AP2S1: variants seen among roughly 807,000 people sequenced by gnomAD.
AP2S1 encodes the protein adaptor related protein complex 2 subunit sigma 1.
Under a neutral mutation model 21.0 loss-of-function variants are expected in AP2S1, and 6 were observed. The observed-to-expected ratio is 0.29, with a 90% confidence interval of 0.16 to 0.56. AP2S1 has a LOEUF of 0.56. Ranked by LOEUF, AP2S1 falls within the 20% of genes least tolerant of loss-of-function variation. The pLI is 0.92. For synonymous variants in AP2S1, 63 were observed against 74.6 expected (o/e 0.84, Z 0.80); for missense variants, 60 against 186.2 (o/e 0.32, Z 3.95).
At chr19:46,849,149 G>T (rs1346234282) in intron 1 of AP2S1, among the ~76,000 whole-genome samples, 2 of 150,870 alleles carry the variant, frequency 1.3e-5, no homozygotes, top group African/African-American at 4.9e-5. Context: ...GGGATTACAG[G>T]CATCCACCAC....
At chr19:46,841,424 G>C (rs1052129087) in intron 2 of AP2S1, among the ~76,000 whole-genome samples, 2 of 152,086 alleles carry the variant, frequency 1.3e-5, no homozygotes, top group Non-Finnish European at 2.9e-5. Flanking sequence ...AAATTTCGAG[G>C]CTTCTCAGGG....
At chr19:46,841,188 A>T (rs1292080043) in intron 2 of AP2S1, among the ~76,000 whole-genome samples, 5 of 152,082 alleles carry the variant, frequency 3.3e-5, no homozygotes, top group Admixed American at 3.3e-4. Context: ...TCCTGACCTC[A>T]GATGATCCAC....
At chr19:46,848,920 T>C (rs1220889673) in intron 1 of AP2S1, among the ~76,000 whole-genome samples, 1 of 149,482 alleles carries the variant, frequency 6.7e-6, no homozygotes, top group Non-Finnish European at 1.5e-5. Context: ...ACCATGTTGG[T>C]CAGGCTGGTC....
chr19:46,845,438 TAATTC>T (rs199653702), intron 2 of AP2S1, among the ~76,000 whole-genome samples: 9,258 of 129,742 alleles, frequency 0.071, 417 homozygotes, highest in African/African-American at 0.14. Flanking sequence ...ATTAATTAAT[TAATTC>T]AATTCAATCA....
intron 2 of AP2S1, among the ~76,000 whole-genome samples, chr19:46,843,934 G>A (rs2055572712): frequency 1.3e-5 from 2 of 151,310 alleles, no homozygotes; most frequent in South Asian, 4.2e-4. Flanking sequence ...TTTTTTGAGA[G>A]GAGTCTTGTT....
chr19:46,847,075 C>CTCAG (rs1323957378), intron 1 of AP2S1, among the ~76,000 whole-genome samples: 1 of 152,190 alleles, frequency 6.6e-6, no homozygotes, highest in Non-Finnish European at 1.5e-5. Flanking sequence ...TGGGCTAAGT[C>CTCAG]TCAGCTCTGC....
chr19:46,844,671 AAGCCTGT>A (rs2055588807), intron 2 of AP2S1, among the ~76,000 whole-genome samples: 1 of 152,060 alleles, frequency 6.6e-6, no homozygotes, highest in Admixed American at 6.6e-5. Flanking sequence ...GGTAGTGCAC[AAGCCTGT>A]AGTCCCAGCT....
Position 46,838,601 on chromosome 19 carries a change from G to A in AP2S1, c.328-53C>T, listed in dbSNP as rs1328295099. The A allele has an allele frequency of 3.4e-5, 54 of 1,600,402 alleles. No individual in the cohort carries two copies. Among genetic ancestry groups the A allele is most frequent in the Middle Eastern group, 3.3e-4 (2 of 6,054 alleles). ...ACGAGGCCCCCCAGGATGCTGGCCC[G>A]GACCCTGGAAGCTGGGGCTCTGATG... On this transcript the variant is annotated intron_variant, in intron 4 of 4. Transcript: ENST00000263270. The surrounding 1 kb of genome is among the most constrained non-coding windows in gnomAD (Gnocchi z 4.1).
chr19:46,848,834 T>A (rs188466788), intron 1 of AP2S1, among the ~76,000 whole-genome samples: 88 of 152,268 alleles, frequency 5.8e-4, no homozygotes, highest in Non-Finnish European at 1.0e-3. Flanking sequence ...TGCCTCAGCC[T>A]CCTAAGTACC....
chr19:46,840,405 G>A (rs1195428932), intron 2 of AP2S1, among the ~76,000 whole-genome samples: 1 of 150,652 alleles, frequency 6.6e-6, no homozygotes, highest in Non-Finnish European at 1.5e-5. Flanking sequence ...ACTCCAGGAG[G>A]CCGGGCGAGA....
chr19:46,849,774 T>C (rs2055705255), intron 1 of AP2S1, among the ~76,000 whole-genome samples: 2 of 152,020 alleles, frequency 1.3e-5, no homozygotes, highest in Admixed American at 6.6e-5. Context: ...TTCCCCTCCT[T>C]GGGGCCTCAA....
At chr19:46,839,424 G>GCCC in intron 3 of AP2S1, 41 bp downstream of exon 3, 35 of 1,504,486 alleles carry the variant, frequency 2.3e-5, no homozygotes, top group Non-Finnish European at 2.8e-5. Flanking sequence ...CTCCAGGGCT[G>GCCC]CCCACCCGCC....
At chr19:46,849,978 G>A (rs10426118) in intron 1 of AP2S1, among the ~76,000 whole-genome samples, 3,109 of 152,184 alleles carry the variant, frequency 0.02, 112 homozygotes, top group African/African-American at 0.07. Flanking sequence ...CAACCTGGGG[G>A]ATAGGGGCAC....
chr19:46,839,362 C>T, intron 3 of AP2S1, 103 bp downstream of exon 3: 1 of 1,240,170 alleles, frequency 8.1e-7, no homozygotes, highest in Non-Finnish European at 1.2e-6. Flanking sequence ...CCAGTCACTG[C>T]AGAGGGAGGG....
Position 46,838,759 on chromosome 19 carries a change from A to G in AP2S1, c.308T>C (p.Leu103Pro). Residue 103 changes from leucine (L) to proline (P), a missense_variant, in exon 4 of 5, where the codon CTG becomes CCG. By Grantham distance (98) the Leu-to-Pro change is moderately conservative. Transcript: ENST00000263270. The surrounding 1 kb of genome is among the most constrained non-coding windows in gnomAD (Gnocchi z 4.1). ...GCCTACCTTGTAGAAGTTGAACACC[A>G]GGTCCAGTTCACAGACATTGTGGAA... ...EYFHNVCELD[L>P]VFNFYKVYTV... 1 of 1,613,310 alleles carries G rather than the reference A, an allele frequency of 6.2e-7. No individual in the cohort carries two copies. The highest frequency in any genetic ancestry group is 1.3e-5 in the African/African-American group (1 of 75,016).
Position 46,838,862 on chromosome 19 carries a change from TG to T in AP2S1, c.268-64del. 2 of 1,488,230 alleles carry T rather than the reference TG, an allele frequency of 1.3e-6. No homozygotes were observed. Among genetic ancestry groups the T allele is most frequent in the Non-Finnish European group, 1.9e-6 (2 of 1,069,824 alleles). The allele number at this position is 1,488,230 out of a possible 1,614,324, so 92.2% of individuals were successfully genotyped here. On this transcript the variant is annotated intron_variant, in intron 3 of 4. Transcript: ENST00000263270. This position sits in a 1 kb window ranked among gnomAD's most constrained non-coding sequence, Gnocchi z 4.1. ...GGAGAGAGCCACACACGCACAGAGA[TG>T]GGAACAAGGTCATCAGAAAGAGACA...
chr19:46,841,519 C>G (rs1459665263), intron 2 of AP2S1, among the ~76,000 whole-genome samples: 13 of 152,246 alleles, frequency 8.5e-5, no homozygotes, highest in African/African-American at 3.1e-4. Context: ...GGCAGGTGTC[C>G]CCTCTGAACA....
intron 2 of AP2S1, among the ~76,000 whole-genome samples, chr19:46,840,367 CAA>C (rs60907407): frequency 6.0e-5 from 6 of 100,448 alleles, no homozygotes; most frequent in Admixed American, 1.1e-4. Context: ...AGGTTCATTA[CAA>C]AAAAAAAAAA....
At chr19:46,839,308 A>AG (rs1349752073) in intron 3 of AP2S1, among the ~76,000 whole-genome samples, 157 bp downstream of exon 3, 1 of 145,098 alleles carries the variant, frequency 6.9e-6, no homozygotes, top group Non-Finnish European at 1.5e-5. Context: ...AAAAAAAAAA[A>AG]AAAAAAAAAG....
Sources: gnomAD v4.1 joint callset for allele counts (sites outside exome capture counted in the v4.1 genomes callset) on GRCh38, gnomAD v4.1.1 for gene constraint, Gnocchi (gnomAD v3.1) non-coding constraint, MANE v1.5 for transcripts, NCBI Gene and HGNC (gene_info 2026-07-23, HGNC 2026-07-21) for gene names.